The following GRIA2 variants were observed in gnomAD, a reference collection of about 807,000 sequenced individuals.
GRIA2 encodes glutamate ionotropic receptor AMPA type subunit 2, also known as glutamate receptor 2.
A neutral mutation model predicts 97.3 loss-of-function variants in GRIA2; 14 were observed. That is an observed-to-expected ratio of 0.14 (90% CI 0.10 to 0.23). GRIA2 has a LOEUF of 0.23. Ranked by LOEUF, GRIA2 falls within the 10% of genes least tolerant of loss-of-function variation. GRIA2 has a pLI of 1.00. For synonymous variants in GRIA2, 412 were observed against 387.8 expected, an observed-to-expected ratio of 1.06 and a Z score of -0.73; for missense variants, 558 against 1,069.8, an observed-to-expected ratio of 0.52 and a Z score of 6.67.
chr4:157,267,953 A>G (rs1731846834), intron 2 of GRIA2, among the ~76,000 whole-genome samples: 1 of 152,144 alleles, frequency 6.6e-6, no homozygotes, highest in South Asian at 2.1e-4. Context: ...TTGGAAGATA[A>G]TAAACAAGAA....
intron 3 of GRIA2, among the ~76,000 whole-genome samples, chr4:157,310,499 A>G (rs2126881572): frequency 6.6e-6 from 1 of 152,256 alleles, no homozygotes; most frequent in Admixed American, 6.5e-5. Context: ...AAAGACTAGT[A>G]TATGAGCAAT....
intron 2 of GRIA2, among the ~76,000 whole-genome samples, chr4:157,226,687 T>C (rs976671627): frequency 1.3e-5 from 2 of 152,120 alleles, no homozygotes; most frequent in African/African-American, 2.4e-5. Context: ...GTTACAATTA[T>C]AGAGTGTAAA....
intron 2 of GRIA2, among the ~76,000 whole-genome samples, chr4:157,255,661 A>T (rs1158707201): frequency 6.6e-6 from 1 of 151,992 alleles, no homozygotes; most frequent in Non-Finnish European, 1.5e-5. Context: ...TACACAGCAA[A>T]AGAAATGATC....
intron 2 of GRIA2, among the ~76,000 whole-genome samples, chr4:157,265,092 A>G (rs1195078239): frequency 6.6e-6 from 1 of 152,136 alleles, no homozygotes; most frequent in Admixed American, 6.6e-5. Flanking sequence ...CCTTGTTAAG[A>G]TAGGATATTA....
intron 12 of GRIA2, among the ~76,000 whole-genome samples, chr4:157,344,054 A>G (rs1735663923): frequency 6.6e-6 from 1 of 152,108 alleles, no homozygotes; most frequent in East Asian, 1.9e-4. Flanking sequence ...TTACTGAATT[A>G]GTATAGGGAA....
chr4:157,291,980 T>C (rs1055045534), intron 2 of GRIA2, among the ~76,000 whole-genome samples: 1 of 151,998 alleles, frequency 6.6e-6, no homozygotes, highest in Admixed American at 6.6e-5. Context: ...GGGATAAATC[T>C]AATAAAATGT....
chr4:157,240,857 C>T (rs906043113), intron 2 of GRIA2, among the ~76,000 whole-genome samples: 3 of 151,510 alleles, frequency 2.0e-5, no homozygotes, highest in African/African-American at 7.3e-5. Flanking sequence ...TATCCCTCCC[C>T]TCTCCCCCCA....
At chr4:157,262,934 C>T (rs375319869) in intron 2 of GRIA2, among the ~76,000 whole-genome samples, 6 of 152,050 alleles carry the variant, frequency 3.9e-5, no homozygotes, top group African/African-American at 1.4e-4. Context: ...AACACAAAAC[C>T]GAGTCCCCAG....
chr4:157,340,445 C>T (rs1016180246), intron 11 of GRIA2, among the ~76,000 whole-genome samples: 5 of 151,802 alleles, frequency 3.3e-5, no homozygotes, highest in African/African-American at 1.2e-4. Context: ...TATTGGGTAT[C>T]TATTAAGCTT....
rs1730490167 is a variant in GRIA2 at position 157,241,102 on chromosome 4, T to G, written c.229+19295T>G. Among the ~76,000 whole-genome samples, 5 of 152,164 alleles carry G rather than the reference T, an allele frequency of 3.3e-5. No homozygotes were observed. The South Asian group carries it at 1.0e-3, about 31-fold the overall frequency. On this transcript the variant is annotated intron_variant, in intron 2 of 15. Transcript: ENST00000264426. Reference sequence around the variant, plus strand: ...TATGTGCCACATTTTCTTAATCCAGTTCTAAGAACGGGTATTTTGGTGGTA... The same window carrying G: ...TATGTGCCACATTTTCTTAATCCAGGTCTAAGAACGGGTATTTTGGTGGTA...
chr4:157,291,239 A>G (rs1579336851), intron 2 of GRIA2, among the ~76,000 whole-genome samples: 1 of 151,898 alleles, frequency 6.6e-6, no homozygotes, highest in South Asian at 2.1e-4. Context: ...TCAGCTGTTC[A>G]TTTGTTGCCC....
intron 2 of GRIA2, among the ~76,000 whole-genome samples, chr4:157,250,614 G>A (rs1233776870): frequency 6.6e-6 from 1 of 151,996 alleles, no homozygotes; most frequent in African/African-American, 2.4e-5. Flanking sequence ...GATCTATATA[G>A]ATGACAAAGG....
chr4:157,248,477 G>A (rs898578340), intron 2 of GRIA2, among the ~76,000 whole-genome samples: 21 of 147,910 alleles, frequency 1.4e-4, no homozygotes, highest in Non-Finnish European at 3.0e-4. Flanking sequence ...TGAGGCAGGA[G>A]AATTGCTTGA....
At chr4:157,298,372 A>G (rs951242157) in intron 2 of GRIA2, among the ~76,000 whole-genome samples, 9 of 152,132 alleles carry the variant, frequency 5.9e-5, no homozygotes, top group Non-Finnish European at 1.0e-4. Flanking sequence ...ATGGTGATGG[A>G]TGACATGCAT....
At chr4:157,346,879 G>A (rs575722689) in intron 12 of GRIA2, among the ~76,000 whole-genome samples, 23 of 152,210 alleles carry the variant, frequency 1.5e-4, no homozygotes, top group East Asian at 1.9e-4. Flanking sequence ...CTGGTTGGCA[G>A]TTTTTCTTTC....
At chr4:157,359,754 TG>T in intron 12 of GRIA2, 141 bp from the exon 13 acceptor site, 1 of 680,834 alleles carries the variant, frequency 1.5e-6, no homozygotes, top group East Asian at 2.7e-5. Flanking sequence ...TTGTTATTAG[TG>T]AAAAAAATTG....
At chr4:157,299,034 A>C (rs1436363554) in intron 2 of GRIA2, among the ~76,000 whole-genome samples, 1 of 152,010 alleles carries the variant, frequency 6.6e-6, no homozygotes, top group Non-Finnish European at 1.5e-5. Flanking sequence ...GTGAAAGATA[A>C]TTAGAGCGAC....
chr4:157,275,852 G>T (rs1020338234), intron 2 of GRIA2, among the ~76,000 whole-genome samples: 1 of 152,142 alleles, frequency 6.6e-6, no homozygotes, highest in African/African-American at 2.4e-5. Context: ...GGCGATGTGG[G>T]CTCTTTTTTG....
chr4:157,263,970 T>A (rs1395373689), intron 2 of GRIA2, among the ~76,000 whole-genome samples: 2 of 152,126 alleles, frequency 1.3e-5, no homozygotes, highest in East Asian at 3.9e-4. Context: ...TTATAAAAAA[T>A]TTAAATATTA....
Sources: gnomAD v4.1 joint callset for allele counts (sites outside exome capture counted in the v4.1 genomes callset) on GRCh38, gnomAD v4.1.1 for gene constraint, MANE v1.5 for transcripts, NCBI Gene and HGNC (gene_info 2026-07-23, HGNC 2026-07-21) for gene names.